The following SCN4A variants were observed in gnomAD, a reference collection of about 807,000 sequenced individuals.
The protein encoded by SCN4A is sodium channel protein type 4 subunit alpha.
In SCN4A, 83 loss-of-function variants were observed where a neutral mutation model predicts 162.0. The observed-to-expected ratio is 0.51, with a 90% CI of 0.43 to 0.61. The LOEUF is 0.61. Among genes scored for constraint, SCN4A ranks in the 20% least tolerant of loss-of-function variants. The pLI is 0.00. For missense variants in SCN4A, 2,196 were observed against 2,462.5 expected, an observed-to-expected ratio of 0.89 and a Z score of 2.29; for synonymous variants, 944 against 985.1, an observed-to-expected ratio of 0.96 and a Z score of 0.78.
chr17:63,948,190 C>T (rs1366731121), intron 16 of SCN4A, 127 bp from the exon 17 acceptor site: 16 of 664,984 alleles, frequency 2.4e-5, no homozygotes, highest in South Asian at 4.5e-5. Flanking sequence ...AAGGGACAGG[C>T]TGTCCGCATC....
chr17:63,966,034 C>T, intron 8 of SCN4A, 68 bp downstream of exon 8: 1 of 1,284,638 alleles, frequency 7.8e-7, no homozygotes, highest in Non-Finnish European at 1.1e-6. Context: ...CCATCAGGCC[C>T]TGAAGAGGCT....
intron 10 of SCN4A, chr17:63,961,744 A>AC (rs1909265780): frequency 5.5e-6 from 2 of 361,030 alleles, no homozygotes. Flanking sequence ...CACCCCTGGA[A>AC]CCCCCGCGTC....
At chr17:63,942,041 G>A (rs1908556962) in intron 23 of SCN4A, 48 bp from the exon 24 acceptor site, 4 of 1,509,866 alleles carry the variant, frequency 2.6e-6, no homozygotes, top group Non-Finnish European at 3.5e-6. Flanking sequence ...AGGGGGGCCG[G>A]CACAGGGTGT....
intron 11 of SCN4A, among the ~76,000 whole-genome samples, chr17:63,960,657 G>A (rs1287078749): frequency 6.6e-6 from 1 of 152,310 alleles, no homozygotes; most frequent in East Asian, 1.9e-4. Context: ...CGGATCAGTG[G>A]TGTCAACAAT....
chr17:63,955,139 G>C (rs1014910255), intron 13 of SCN4A, among the ~76,000 whole-genome samples: 1 of 152,152 alleles, frequency 6.6e-6, no homozygotes, highest in Non-Finnish European at 1.5e-5. Flanking sequence ...ATCGTTACTG[G>C]AGTTACATGG....
At chr17:63,967,654 G>A (rs1028428851) in intron 6 of SCN4A, among the ~76,000 whole-genome samples, 59 of 151,822 alleles carry the variant, frequency 3.9e-4, no homozygotes, top group Admixed American at 3.4e-3. Context: ...GAGACAGGGC[G>A]GGGAGCGGTG....
chr17:63,947,019 A>AC, intron 18 of SCN4A, 26 bp downstream of exon 18: 1 of 778,944 alleles, frequency 1.3e-6, no homozygotes, highest in Non-Finnish European at 2.0e-6. Context: ...TCCCCAGCCC[A>AC]CCCCAGAGGC....
intron 12 of SCN4A, 57 bp downstream of exon 12, chr17:63,959,208 C>A: frequency 6.6e-7 from 1 of 1,513,656 alleles, no homozygotes; most frequent in Non-Finnish European, 9.0e-7. Flanking sequence ...TGCCCACCCT[C>A]CTTAGTCTCC....
chr17:63,941,190 T>C lies in SCN4A; in HGVS notation c.5092A>G (p.Lys1698Glu), dbSNP rs1450409082. The C allele has an allele frequency of 6.2e-7, 1 of 1,613,812 alleles. No individual in the cohort carries two copies. The highest frequency in any genetic ancestry group is 1.7e-5 in the Admixed American group (1 of 60,016). Residue 1698 changes from lysine (K) to glutamate (E), a missense_variant, in exon 24 of 24, where the codon AAG becomes GAG. Transcript: ENST00000435607. The surrounding 1 kb of genome is among the most constrained non-coding windows in gnomAD (Gnocchi z 6.2). Reference sequence around the variant, plus strand: ...ATGAACTTCTCCTCCATGGTCTGCTTGAGGGCGTCCATTTCCCCAGAGTCA... The same window carrying C: ...ATGAACTTCTCCTCCATGGTCTGCTCGAGGGCGTCCATTTCCCCAGAGTCA... ...LGDSGEMDAL[K>E]QTMEEKFMAA...
At position 63,948,741 on chromosome 17, in the gene SCN4A, A is replaced by C; in HGVS notation, c.3014T>G (p.Leu1005Arg). The change falls in exon 16 of 24, where the codon CTC becomes CGC. Residue 1005 changes from leucine (L) to arginine (R), a missense_variant. Transcript: ENST00000435607. ...TEACVQRWPCLYVDISQGRGK... is the reference protein window; with the variant it reads ...TEACVQRWPCRYVDISQGRGK... ...ACGGCCCTGGGAGATGTCCACGTAG[A>C]GGCAGGGCCAGCGCTGCACGCAGGC... 1 of 1,612,106 alleles carries C rather than the reference A, an allele frequency of 6.2e-7. No homozygotes were observed. The highest frequency in any genetic ancestry group is 1.1e-5 in the South Asian group (1 of 90,980).
rs141799189 is a variant in SCN4A at position 63,972,327 on chromosome 17, G to A, written c.392+25C>T. The A allele has an allele frequency of 7.2e-3, 11,514 of 1,605,314 alleles. 66 individuals carry two copies. Among genetic ancestry groups the A allele is most frequent in the Non-Finnish European group, 8.5e-3 (10,014 of 1,173,390 alleles). On this transcript the variant is annotated intron_variant, in intron 2 of 23. Coordinates refer to ENST00000435607, the MANE Select transcript of SCN4A (RefSeq NM_000334.4). The surrounding 1 kb of genome is among the most constrained non-coding windows in gnomAD (Gnocchi z 4.3). ...ATCTCGCCCATCCCTAACCCCTCCC[G>A]CCTCTCCCATCTTGGGCAGGATATG...
rs1908698748 is a variant in SCN4A, at chr17:63,945,782, G to A, written c.3442-144C>T. 1.4e-6 allele frequency: 1 copy of A among 715,188 alleles called. No individual in the cohort carries two copies. The highest frequency in any genetic ancestry group is 2.6e-5 in the East Asian group (1 of 38,202). The allele number at this position is 715,188 out of a possible 1,614,324, so 44.3% of individuals were successfully genotyped here. A position where few individuals can be genotyped will look rare whatever the true frequency, so the allele number is the denominator to read the frequency against. On this transcript the variant is annotated intron_variant, in intron 18 of 23. Coordinates refer to ENST00000435607, the MANE Select transcript of SCN4A (RefSeq NM_000334.4). This position sits in a 1 kb window ranked among gnomAD's most constrained non-coding sequence, Gnocchi z 4.4. The stretch of plus-strand genomic sequence containing the variant: ...TAGAGGAGGGCCGACCTGCTGGGCT[G>A]TGTGTGTGCAGGTTGGGGGTGGTAA...
intron 13 of SCN4A, among the ~76,000 whole-genome samples, chr17:63,954,054 G>A (rs1483167997): frequency 2.6e-5 from 4 of 152,158 alleles, no homozygotes; most frequent in African/African-American, 7.2e-5. Context: ...GTTCTTCCTC[G>A]GAGCCCTGGG....
chr17:63,947,187 G>T lies in SCN4A; in HGVS notation c.3319-20C>A. The T allele has an allele frequency of 6.2e-7, 1 of 1,612,416 alleles. No individual in the cohort carries two copies. Among genetic ancestry groups the T allele is most frequent in the Non-Finnish European group, 8.5e-7 (1 of 1,179,756 alleles). Reference sequence around the variant, plus strand: ...GGAGACCTGCAGGGGAGGGGTGAGGGGATCAGTGCGTGCAAGGCCCCCAGC... The same window carrying T: ...GGAGACCTGCAGGGGAGGGGTGAGGTGATCAGTGCGTGCAAGGCCCCCAGC... On this transcript the variant is annotated intron_variant, in intron 17 of 23. Transcript: ENST00000435607.
chr17:63,965,838 G>T (rs1909423909), intron 8 of SCN4A, among the ~76,000 whole-genome samples: 1 of 152,228 alleles, frequency 6.6e-6, no homozygotes, highest in African/African-American at 2.4e-5. Flanking sequence ...GGCCTAGGGG[G>T]TCCTGGGCTT....
Position 63,939,881 on chromosome 17 carries a change from A to C in SCN4A, c.*890T>G, listed in dbSNP as rs891992289. On this transcript the variant is annotated 3_prime_UTR_variant, in exon 24 of 24. Coordinates refer to ENST00000435607, the MANE Select transcript of SCN4A (RefSeq NM_000334.4). The stretch of plus-strand genomic sequence containing the variant: ...TCACGGAGGAGTGAGGCAGGGAGAG[A>C]GGGAAGGGGCGAGAATCTTCTTACT... 6.6e-6 allele frequency: 1 copy of C among 152,062 alleles called. No individual in the cohort carries two copies. The highest frequency in any genetic ancestry group is 1.5e-5 in the Non-Finnish European group (1 of 68,040). The allele number at this position is 152,062 out of a possible 1,614,324, so 9.4% of individuals were successfully genotyped here. A position where few individuals can be genotyped will look rare whatever the true frequency, so the allele number is the denominator to read the frequency against.
intron 10 of SCN4A, chr17:63,961,718 C>A (rs1909264361): frequency 2.3e-6 from 1 of 429,982 alleles, no homozygotes; most frequent in Non-Finnish European, 4.2e-6. Flanking sequence ...CGCCCTCTAA[C>A]CCCCGCCTAC....
In SCN4A at chr17:63,941,221, G is replaced by T; in HGVS notation, c.5061C>A (p.Val1687=). The T allele has an allele frequency of 1.2e-6, 2 of 1,613,816 alleles. No homozygotes were observed. Among genetic ancestry groups the T allele is most frequent in the South Asian group, 2.2e-5 (2 of 91,072 alleles). The change falls in exon 24 of 24, where the codon GTC becomes GTA. Residue 1687 remains valine (V), a synonymous_variant. Coordinates refer to ENST00000435607, the MANE Select transcript of SCN4A (RefSeq NM_000334.4). The surrounding 1 kb of genome is among the most constrained non-coding windows in gnomAD (Gnocchi z 6.2). Reference sequence around the variant, plus strand: ...CGTCCATTTCCCCAGAGTCACCCAGGACCTCTTTGGTCAGGGCAAAGAGGA... The same window carrying T: ...CGTCCATTTCCCCAGAGTCACCCAGTACCTCTTTGGTCAGGGCAAAGAGGA... ...LDILFALTKE[V]LGDSGEMDAL...
At chr17:63,946,364 G>T (rs3785569) in intron 18 of SCN4A, among the ~76,000 whole-genome samples, 45,993 of 151,730 alleles carry the variant, frequency 0.3, 9,011 homozygotes, top group African/African-American at 0.57. Flanking sequence ...GCCGCTTGGG[G>T]GGGCTCGCCA....
Sources: gnomAD v4.1 joint callset for allele counts (sites outside exome capture counted in the v4.1 genomes callset) on GRCh38, gnomAD v4.1.1 for gene constraint, Gnocchi (gnomAD v3.1) non-coding constraint, MANE v1.5 for transcripts, NCBI Gene and HGNC (gene_info 2026-07-23, HGNC 2026-07-21) for gene names.